Variants in LRRIQ1 observed in about 807,000 individuals in gnomAD.
The protein encoded by LRRIQ1 is leucine-rich repeat- and IQ domain-containing protein 1.
A neutral mutation model predicts 211.9 loss-of-function variants in LRRIQ1; 210 were observed. The observed-to-expected ratio is 0.99, with a 90% CI of 0.89 to 1.11. The LOEUF is 1.11. LRRIQ1 is among the 50% of genes most tolerant of loss of function. LRRIQ1 has a pLI of 0.00. For synonymous variants in LRRIQ1, 699 were observed against 650.1 expected (o/e 1.08, Z -1.14); for missense variants, 2,136 against 1,939.5 (o/e 1.10, Z -1.90).
intron 4 of LRRIQ1, among the ~76,000 whole-genome samples, chr12:85,045,759 G>T (rs1358186707): frequency 6.6e-6 from 1 of 151,814 alleles, no homozygotes. Context: ...ATTGAATATT[G>T]TGGAATAATA....
intron 24 of LRRIQ1, among the ~76,000 whole-genome samples, chr12:85,214,475 G>T (rs1464185918): frequency 6.6e-6 from 1 of 152,110 alleles, no homozygotes; most frequent in African/African-American, 2.4e-5. Flanking sequence ...ATATAAGACA[G>T]TGAATATCAT....
chr12:85,073,643 T>G (rs1444563576), intron 11 of LRRIQ1, among the ~76,000 whole-genome samples: 1 of 152,100 alleles, frequency 6.6e-6, no homozygotes, highest in Non-Finnish European at 1.5e-5. Flanking sequence ...AAAACTGCCA[T>G]AGTATTAATT....
At chr12:85,136,121 A>G (rs1889111820) in intron 18 of LRRIQ1, among the ~76,000 whole-genome samples, 1 of 151,826 alleles carries the variant, frequency 6.6e-6, no homozygotes, top group Non-Finnish European at 1.5e-5. Context: ...ACATTATCAT[A>G]ATTGCTTTCT....
intron 15 of LRRIQ1, among the ~76,000 whole-genome samples, chr12:85,113,594 T>A (rs751206174): frequency 5.9e-5 from 9 of 152,140 alleles, no homozygotes; most frequent in Non-Finnish European, 1.3e-4. Context: ...CATTGTAATG[T>A]GTAAAGGCTT....
chr12:85,159,006 T>G (rs1890715624), intron 23 of LRRIQ1, among the ~76,000 whole-genome samples: 1 of 152,020 alleles, frequency 6.6e-6, no homozygotes, highest in Non-Finnish European at 1.5e-5. Flanking sequence ...GTTTCTTACT[T>G]CTTATAATTA....
intron 1 of LRRIQ1, among the ~76,000 whole-genome samples, chr12:85,250,902 TTATATATAATATATTTTATATA>T (rs1565928875): frequency 3.9e-4 from 40 of 103,096 alleles, no homozygotes; most frequent in Middle Eastern, 3.9e-3. Context: ...ATTTTATATA[TTATATATAATATATTTTATATA>T]TTATATATTA....
rs147833849 is a variant in LRRIQ1 at position 85,056,192 on chromosome 12, G to T, written c.1399G>T (p.Glu467Ter). The T allele has an allele frequency of 3.8e-5, 60 of 1,575,060 alleles. No individual in the cohort carries two copies. In the East Asian group the frequency reaches 1.2e-3, roughly 32 times the overall value. The change falls in exon 8 of 27, where the codon GAA (glutamate) becomes TAA (stop). Residue 467 changes from glutamate to a stop codon, truncating the protein, a stop_gained. Coordinates refer to ENST00000393217, the MANE Select transcript of LRRIQ1 (RefSeq NM_001079910.2). LOFTEE classifies it high-confidence loss of function. ...AGAATCAATACAAGTAAAGTTAAAA[G>T]AATCTATATCAAGCCAAACAATTCT... ...LKESIQVKLK[E>*]SISSQTILAD... is the part of the protein sequence containing the mutation.
intron 10 of LRRIQ1, among the ~76,000 whole-genome samples, chr12:85,072,280 G>C (rs1423236037): frequency 2.0e-5 from 3 of 151,816 alleles, no homozygotes; most frequent in East Asian, 1.9e-4. Flanking sequence ...TATAGCCAGA[G>C]AATAATTTTT....
chr12:85,181,548 T>TAGTGA (rs1460882771), intron 24 of LRRIQ1, among the ~76,000 whole-genome samples: 12 of 151,974 alleles, frequency 7.9e-5, no homozygotes, highest in African/African-American at 2.4e-4. Flanking sequence ...ATTTGAACAT[T>TAGTGA]AGTGAATTAT....
intron 24 of LRRIQ1, among the ~76,000 whole-genome samples, chr12:85,173,618 CAT>C (rs1363358868): frequency 6.6e-6 from 1 of 151,676 alleles, no homozygotes; most frequent in African/African-American, 2.4e-5. Context: ...CGCAATCTCT[CAT>C]ACACACACAC....
chr12:85,043,977 C>T (rs996638941), intron 3 of LRRIQ1, among the ~76,000 whole-genome samples: 7 of 152,100 alleles, frequency 4.6e-5, no homozygotes, highest in African/African-American at 1.7e-4. Flanking sequence ...AACTAAATCA[C>T]TCTCAGAAAT....
In LRRIQ1 at chr12:85,124,226, A is replaced by G; in HGVS notation, c.3714A>G (p.Thr1238=). ...CCCAGAAAAATCATTTGGCCCCTAC[A>G]AACAGTGACAGCACTCTGCAAAATG... ...SEAQKNHLAP[T]NSDSTLQNGV... The change falls in exon 17 of 27, where the codon ACA becomes ACG. Residue 1238 remains threonine, a synonymous_variant. Coordinates refer to ENST00000393217, the MANE Select transcript of LRRIQ1 (RefSeq NM_001079910.2). 1 of 1,614,098 alleles carries G rather than the reference A, an allele frequency of 6.2e-7. No homozygotes were observed.
intron 11 of LRRIQ1, among the ~76,000 whole-genome samples, chr12:85,080,851 C>T (rs1379427568): frequency 1.3e-5 from 2 of 151,176 alleles, no homozygotes; most frequent in African/African-American, 4.9e-5. Context: ...TATTTTTGGT[C>T]ACTTAGTGTT....
At chr12:85,166,169 G>A (rs1891149726) in intron 24 of LRRIQ1, among the ~76,000 whole-genome samples, 1 of 152,060 alleles carries the variant, frequency 6.6e-6, no homozygotes, top group African/African-American at 2.4e-5. Flanking sequence ...TACTTCTAAA[G>A]TCAATGCCAA....
chr12:85,166,939 C>G (rs893698424), intron 24 of LRRIQ1, among the ~76,000 whole-genome samples: 3 of 152,170 alleles, frequency 2.0e-5, no homozygotes, highest in African/African-American at 7.2e-5. Context: ...GCCCTTAGCA[C>G]AGTGCCTAAT....
At chr12:85,156,436 TTGA>T (rs1047449084) in intron 23 of LRRIQ1, among the ~76,000 whole-genome samples, 2 of 151,818 alleles carry the variant, frequency 1.3e-5, no homozygotes, top group Non-Finnish European at 2.9e-5. Flanking sequence ...TTCTGTTCAG[TTGA>T]TGATGTAGAA....
chr12:85,102,641 A>T (rs1210107218), intron 13 of LRRIQ1, among the ~76,000 whole-genome samples: 1 of 151,450 alleles, frequency 6.6e-6, no homozygotes, highest in East Asian at 2.0e-4. Context: ...GCCACACCCC[A>T]TGAGGCTTCC....
intron 24 of LRRIQ1, among the ~76,000 whole-genome samples, chr12:85,199,733 C>A (rs1276331369): frequency 6.6e-6 from 1 of 151,988 alleles, no homozygotes; most frequent in African/African-American, 2.4e-5. Context: ...ATACCAGATG[C>A]TTATAAAACC....
chr12:85,267,149 A>G (rs555091795), downstream of LRRIQ1, among the ~76,000 whole-genome samples: 4 of 152,152 alleles, frequency 2.6e-5, no homozygotes, highest in South Asian at 8.3e-4. Context: ...AAACTTTCAA[A>G]CTATTTTTAT....
Sources: allele counts gnomAD v4.1 joint callset (sites outside exome capture counted in the v4.1 genomes callset), GRCh38; gene constraint gnomAD v4.1.1; transcripts MANE v1.5; gene names NCBI Gene and HGNC (gene_info 2026-07-23, HGNC 2026-07-21).